MOGAT1: variants seen among roughly 807,000 people sequenced by gnomAD.
MOGAT1 encodes the protein monoacylglycerol O-acyltransferase 1.
MOGAT1 carries 32 observed loss-of-function variants against 31.4 expected under a neutral mutation model. The observed-to-expected ratio is 1.02, with a 90% confidence interval of 0.77 to 1.37. The LOEUF (loss-of-function observed/expected upper bound fraction) is 1.37, where lower values mean the gene tolerates loss of function less well. MOGAT1 is among the 40% of genes most tolerant of loss of function. The pLI is 0.00. For missense variants in MOGAT1, 426 were observed against 402.0 expected, an observed-to-expected ratio of 1.06 and a Z score of -0.51; for synonymous variants, 145 against 144.5, an observed-to-expected ratio of 1.00 and a Z score of -0.03.
intron 1 of MOGAT1, among the ~76,000 whole-genome samples, chr2:222,672,910 ATTATTAT>A (rs1449036210): frequency 6.8e-6 from 1 of 147,678 alleles, no homozygotes; most frequent in Non-Finnish European, 1.5e-5. Context: ...TATTATTATT[ATTATTAT>A]TATTATTATC....
chr2:222,703,457 G>A (rs1314789224), intron 5 of MOGAT1, among the ~76,000 whole-genome samples: 2 of 151,930 alleles, frequency 1.3e-5, no homozygotes, highest in Non-Finnish European at 2.9e-5. Context: ...AAATAATCTC[G>A]GTGCCAAAGT....
chr2:222,694,885 C>G (rs982890525), intron 4 of MOGAT1, among the ~76,000 whole-genome samples: 1 of 152,106 alleles, frequency 6.6e-6, no homozygotes, highest in African/African-American at 2.4e-5. Context: ...AGAATAAAAT[C>G]CTGTCAATGG....
intron 1 of MOGAT1, among the ~76,000 whole-genome samples, chr2:222,682,295 T>C (rs933776857): frequency 6.6e-6 from 1 of 152,224 alleles, no homozygotes; most frequent in Non-Finnish European, 1.5e-5. Context: ...CCCAAGAAAT[T>C]TATCAGGGAT....
intron 3 of MOGAT1, among the ~76,000 whole-genome samples, chr2:222,693,627 C>T (rs868051175): frequency 7.2e-5 from 11 of 151,768 alleles, no homozygotes; most frequent in Admixed American, 3.3e-4. Context: ...ACATGGGTGG[C>T]GGCAGGCAAG....
chr2:222,674,067 A>G (rs1553561086), intron 1 of MOGAT1, among the ~76,000 whole-genome samples: 1 of 152,208 alleles, frequency 6.6e-6, no homozygotes, highest in Non-Finnish European at 1.5e-5. Context: ...CCAATGAAGG[A>G]ACTAGGAGAT....
rs542127595 is a variant in MOGAT1 at position 222,677,448 on chromosome 2, A to C, written c.94+5569A>C. Reference sequence around the variant, plus strand: ...CTACCACGCCTGGCATATATATTTTAATGAAATCAGAAATTTTGAAGCAGC... The same window carrying C: ...CTACCACGCCTGGCATATATATTTTCATGAAATCAGAAATTTTGAAGCAGC... On this transcript the variant is annotated intron_variant, in intron 1 of 5. Coordinates refer to ENST00000446656, the MANE Select transcript of MOGAT1 (RefSeq NM_058165.3). 2.0e-5 allele frequency among the ~76,000 whole-genome samples: 3 copies of C among 152,316 alleles called. No individual in the cohort carries two copies. In the East Asian group the frequency reaches 5.8e-4, roughly 29 times the overall value.
chr2:222,694,482 T>A lies in MOGAT1; in HGVS notation c.599T>A (p.Phe200Tyr). 1 of 1,613,936 alleles carries A rather than the reference T, an allele frequency of 6.2e-7. No individual in the cohort carries two copies. Among genetic ancestry groups the A allele is most frequent in the Non-Finnish European group, 8.5e-7 (1 of 1,179,854 alleles). Residue 200 changes from phenylalanine to tyrosine, a missense_variant, in exon 4 of 6, where the codon TTC becomes TAC. Coordinates refer to ENST00000446656, the MANE Select transcript of MOGAT1 (RefSeq NM_058165.3). ...KESLDAHPGK[F>Y]TLFIRQRKGF... is the part of the protein sequence containing the mutation. The stretch of plus-strand genomic sequence containing the variant: ...TCACTGGATGCTCATCCTGGAAAGT[T>A]CACTCTGTTCATCCGCCAGCGGAAA...
chr2:222,693,940 T>G (rs1180839983), intron 3 of MOGAT1, among the ~76,000 whole-genome samples: 1 of 152,210 alleles, frequency 6.6e-6, no homozygotes, highest in East Asian at 1.9e-4. Context: ...TCTTGGAGAA[T>G]ATACTTTTTG....
chr2:222,682,363 T>C (rs1250820354), intron 1 of MOGAT1, among the ~76,000 whole-genome samples: 6 of 152,234 alleles, frequency 3.9e-5, no homozygotes, highest in Admixed American at 6.5e-5. Context: ...GTCTTCAACT[T>C]TTCCTTTATA....
At chr2:222,702,973 A>G (rs1187922588) in intron 5 of MOGAT1, among the ~76,000 whole-genome samples, 1 of 152,214 alleles carries the variant, frequency 6.6e-6, no homozygotes, top group Non-Finnish European at 1.5e-5. Flanking sequence ...TAAGGGCACA[A>G]ACATGGTGTT....
chr2:222,700,417 T>C lies in MOGAT1; in HGVS notation c.853+5129T>C, dbSNP rs755796986. 2.6e-4 allele frequency among the ~76,000 whole-genome samples: 40 copies of C among 152,244 alleles called. 1 individual carries two copies. The highest frequency in any genetic ancestry group is 2.1e-4 in the South Asian group (1 of 4,838). On this transcript the variant is annotated intron_variant, in intron 5 of 5. Coordinates refer to ENST00000446656, the MANE Select transcript of MOGAT1 (RefSeq NM_058165.3). ...CACTCATACTTGTCCAATGTGCTTC[T>C]CTTAAACATTCAGAAAGGGGGAAAT...
chr2:222,695,227 C>T lies in MOGAT1; in HGVS notation c.792C>T (p.Ala264=). 1 of 1,613,576 alleles carries T rather than the reference C, an allele frequency of 6.2e-7. No homozygotes were observed. Among genetic ancestry groups the T allele is most frequent in the Non-Finnish European group, 8.5e-7 (1 of 1,179,748 alleles). ...IMGFALPLFH[A]RGVFQYNFGL... ...GGTTTGCTTTGCCCCTGTTTCATGC[C>T]AGGGGAGTTTTTCAGTACAATTTTG... Residue 264 remains alanine (A), a synonymous_variant, in exon 5 of 6, where the codon GCC becomes GCT. Transcript: ENST00000446656.
rs113386053 is a variant in MOGAT1 at position 222,683,134 on chromosome 2, G to A, written c.95-5210G>A. On this transcript the variant is annotated intron_variant, in intron 1 of 5. Coordinates refer to ENST00000446656, the MANE Select transcript of MOGAT1 (RefSeq NM_058165.3). ...TGGTAGGATCACCTGAGCCCAAGAG[G>A]TCGAGGCTGCAGTGAGCCATGTTTA... 5.9e-3 allele frequency among the ~76,000 whole-genome samples: 901 copies of A among 151,506 alleles called. 8 individuals carry two copies. Among genetic ancestry groups the A allele is most frequent in the African/African-American group, 0.02 (841 of 41,268 alleles).
rs551882440 is a variant in MOGAT1, at chr2:222,681,576, C to T, written c.95-6768C>T. 2.0e-5 allele frequency among the ~76,000 whole-genome samples: 3 copies of T among 152,214 alleles called. No individual in the cohort carries two copies. In the South Asian group the frequency reaches 6.2e-4, roughly 32 times the overall value. On this transcript the variant is annotated intron_variant, in intron 1 of 5. Coordinates refer to ENST00000446656, the MANE Select transcript of MOGAT1 (RefSeq NM_058165.3). The stretch of plus-strand genomic sequence containing the variant: ...GAACCCTGGACTTTATGGAGCCTTC[C>T]TCATTTAGGCATGATCAGTTACTAA...
At chr2:222,671,988 GC>G in intron 1 of MOGAT1, 109 bp downstream of exon 1, 1 of 880,826 alleles carries the variant, frequency 1.1e-6, no homozygotes, top group Non-Finnish European at 1.8e-6. Flanking sequence ...TCCCCTGTCG[GC>G]CAGAGCAGGC....
intron 1 of MOGAT1, among the ~76,000 whole-genome samples, chr2:222,686,270 C>G (rs1457880210): frequency 6.6e-6 from 1 of 152,140 alleles, no homozygotes; most frequent in African/African-American, 2.4e-5. Flanking sequence ...TTTGGACGCT[C>G]AAATTCCCTG....
chr2:222,703,880 A>T (rs1232233444), intron 5 of MOGAT1, among the ~76,000 whole-genome samples: 1 of 149,928 alleles, frequency 6.7e-6, no homozygotes, highest in Non-Finnish European at 1.5e-5. Context: ...GAGAAAAAAA[A>T]TAATGCCCAC....
Position 222,671,761 on chromosome 2 carries a change from G to A in MOGAT1, c.-25G>A. On this transcript the variant is annotated 5_prime_UTR_variant, in exon 1 of 6. Coordinates refer to ENST00000446656, the MANE Select transcript of MOGAT1 (RefSeq NM_058165.3). ...AGCGTGGGTGCAGGCTGCAGTGGCT[G>A]GCGCCGTCCTCGCCCGGCCAGGCCA... 6.5e-7 allele frequency: 1 copy of A among 1,544,044 alleles called. No individual in the cohort carries two copies. The highest frequency in any genetic ancestry group is 8.8e-7 in the Non-Finnish European group (1 of 1,142,070).
Position 222,701,301 on chromosome 2 carries a change from A to AG in MOGAT1, c.853+6014dup, listed in dbSNP as rs1345023577. Among the ~76,000 whole-genome samples, 362 of 105,432 alleles carry AG rather than the reference A, an allele frequency of 3.4e-3. 2 individuals are homozygous for AG. Among genetic ancestry groups the AG allele is most frequent in the African/African-American group, 0.011 (310 of 26,972 alleles). 69.2% of individuals were successfully genotyped at this position (105,432 alleles called of 152,430 possible). ...GAGAGAGAGAGAGAGGAGGAGGAGG[A>AG]GAGAGAGAGAGAGAGAGAGAGAGAG... On this transcript the variant is annotated intron_variant, in intron 5 of 5. Coordinates refer to ENST00000446656, the MANE Select transcript of MOGAT1 (RefSeq NM_058165.3).
Sources: gnomAD v4.1 joint callset for allele counts (sites outside exome capture counted in the v4.1 genomes callset) on GRCh38, gnomAD v4.1.1 for gene constraint, MANE v1.5 for transcripts, NCBI Gene and HGNC (gene_info 2026-07-23, HGNC 2026-07-21) for gene names.